The following GJC1 variants were observed in gnomAD, a reference collection of about 807,000 sequenced individuals.
GJC1 encodes the protein gap junction protein gamma 1, also known as gap junction gamma-1 protein.
In GJC1, 5 loss-of-function variants were observed where a neutral mutation model predicts 29.3. That is an observed-to-expected ratio of 0.17 (90% CI 0.09 to 0.36). The LOEUF is 0.36. Among genes scored for constraint, GJC1 ranks in the 10% least tolerant of loss-of-function variants. The pLI is 1.00. For missense variants in GJC1, 310 were observed against 496.2 expected (o/e 0.62, Z 3.56); for synonymous variants, 177 against 183.3 (o/e 0.97, Z 0.28).
intron 1 of GJC1, among the ~76,000 whole-genome samples, chr17:44,809,878 CCAGA>C (rs1279458686): frequency 8.9e-6 from 1 of 112,604 alleles, no homozygotes; most frequent in African/African-American, 3.3e-5. Context: ...TTTTTTTTTT[CCAGA>C]CAGTCTCGCT....
chr17:44,813,816 A>G (rs774329925), intron 1 of GJC1, among the ~76,000 whole-genome samples: 3 of 151,886 alleles, frequency 2.0e-5, no homozygotes, highest in Non-Finnish European at 4.4e-5. Flanking sequence ...TCTTACTCTC[A>G]GTGAAATGTC....
intron 1 of GJC1, among the ~76,000 whole-genome samples, chr17:44,811,817 A>G (rs1347481985): frequency 1.3e-5 from 2 of 151,862 alleles, no homozygotes; most frequent in Admixed American, 6.6e-5. Flanking sequence ...TGGCCTAGCT[A>G]ACATGGTGAA....
intron 1 of GJC1, among the ~76,000 whole-genome samples, chr17:44,826,648 C>T (rs897846924): frequency 8.5e-5 from 13 of 152,106 alleles, no homozygotes; most frequent in Non-Finnish European, 1.6e-4. Flanking sequence ...TTGCCAAGGA[C>T]TGCTCTCAGC....
intron 1 of GJC1, among the ~76,000 whole-genome samples, chr17:44,808,172 T>C (rs1254440527): frequency 6.6e-6 from 1 of 152,022 alleles, no homozygotes; most frequent in Middle Eastern, 3.2e-3. Flanking sequence ...CTGAATGTTA[T>C]GTGTTTATAG....
chr17:44,811,464 T>C (rs1379956769), intron 1 of GJC1, among the ~76,000 whole-genome samples: 2 of 151,004 alleles, frequency 1.3e-5, no homozygotes, highest in Non-Finnish European at 3.0e-5. Context: ...GGGCTCACTG[T>C]AGCCTCAGCC....
chr17:44,822,071 C>A (rs565555894), intron 1 of GJC1, among the ~76,000 whole-genome samples: 3 of 151,464 alleles, frequency 2.0e-5, no homozygotes. Context: ...GTGGCGGGCG[C>A]CTGTAGTCCC....
chr17:44,816,224 G>C (rs2050042605), intron 1 of GJC1, among the ~76,000 whole-genome samples: 1 of 143,850 alleles, frequency 7.0e-6, no homozygotes, highest in Non-Finnish European at 1.5e-5. Flanking sequence ...CTCACACAAA[G>C]AAAACCCAAA....
chr17:44,798,358 A>AT (rs770472081), downstream of GJC1: 1 of 152,184 alleles, frequency 6.6e-6, no homozygotes, highest in Non-Finnish European at 1.5e-5. Flanking sequence ...ATTATCTTAT[A>AT]TAAATAGGGT....
rs924177637 is a variant in GJC1, at chr17:44,803,928, C to T, written c.*699G>A. 5.3e-5 allele frequency: 8 copies of T among 152,204 alleles called. No homozygotes were observed. Among genetic ancestry groups the T allele is most frequent in the African/African-American group, 1.7e-4 (7 of 41,436 alleles). 9.4% of individuals were successfully genotyped at this position (152,204 alleles called of 1,614,324 possible). A position where few individuals can be genotyped will look rare whatever the true frequency, so the allele number is the denominator to read the frequency against. The stretch of plus-strand genomic sequence containing the variant: ...ATGCTTGATATTTAAAGGAATCCTA[C>T]AGTGAATCATTTATTTCCTTTGAAA... On this transcript the variant is annotated 3_prime_UTR_variant, in exon 3 of 3. Coordinates refer to ENST00000592524, the MANE Select transcript of GJC1 (RefSeq NM_005497.4).
At chr17:44,810,269 T>C (rs939811119) in intron 1 of GJC1, among the ~76,000 whole-genome samples, 3 of 152,202 alleles carry the variant, frequency 2.0e-5, no homozygotes, top group Non-Finnish European at 4.4e-5. Flanking sequence ...AGTGCTGGGA[T>C]TACAGGCATG....
intron 2 of GJC1, among the ~76,000 whole-genome samples, chr17:44,807,025 A>G (rs78174652): frequency 0.012 from 1,873 of 152,334 alleles, 39 homozygotes; most frequent in African/African-American, 0.042. Context: ...TTAGAAGCCC[A>G]GTAAATGGTC....
intron 1 of GJC1, among the ~76,000 whole-genome samples, chr17:44,822,140 T>G (rs1277224596): frequency 7.8e-6 from 1 of 127,468 alleles, no homozygotes; most frequent in African/African-American, 3.1e-5. Context: ...GAGCTTGCAG[T>G]GAGCCAAGAT....
intron 1 of GJC1, among the ~76,000 whole-genome samples, chr17:44,817,418 G>C (rs2050055857): frequency 6.6e-6 from 1 of 151,212 alleles, no homozygotes; most frequent in African/African-American, 2.4e-5. Flanking sequence ...AACTGCAAAA[G>C]AAAAGCACAA....
intron 1 of GJC1, among the ~76,000 whole-genome samples, chr17:44,822,196 C>CAAAAAAAA (rs59152296): frequency 2.1e-5 from 1 of 47,558 alleles, no homozygotes; most frequent in Non-Finnish European, 4.1e-5. Context: ...GACTCCGTCT[C>CAAAAAAAA]AAAAAAAAAA....
upstream of GJC1, chr17:44,830,822 C>G (rs561990472): frequency 2.5e-6 from 1 of 397,484 alleles, no homozygotes; most frequent in Admixed American, 4.4e-5. This position sits in a 1 kb window ranked among gnomAD's most constrained non-coding sequence, Gnocchi z 4.3. Context: ...GCTCTAGATA[C>G]TTTTCAGGTC....
intron 1 of GJC1, among the ~76,000 whole-genome samples, chr17:44,826,640 G>T (rs1394103715): frequency 1.3e-5 from 2 of 151,876 alleles, no homozygotes; most frequent in Non-Finnish European, 2.9e-5. Context: ...AACCTTTATT[G>T]CCAAGGACTG....
chr17:44,809,622 G>A (rs1439526012), intron 1 of GJC1, among the ~76,000 whole-genome samples: 2 of 150,794 alleles, frequency 1.3e-5, no homozygotes, highest in Non-Finnish European at 2.9e-5. Context: ...CCAGGCTGGA[G>A]TGCAATGGCG....
downstream of GJC1, among the ~76,000 whole-genome samples, chr17:44,795,998 G>C (rs749607488): frequency 6.6e-6 from 1 of 152,212 alleles, no homozygotes; most frequent in Non-Finnish European, 1.5e-5. Context: ...GCCGCTTGGC[G>C]GCCCGGGCTC....
chr17:44,817,639 G>A (rs1404149980), intron 1 of GJC1, among the ~76,000 whole-genome samples: 1 of 152,070 alleles, frequency 6.6e-6, no homozygotes, highest in African/African-American at 2.4e-5. Flanking sequence ...GAACTCAGGA[G>A]GGGGAGGTTG....
Sources: gnomAD v4.1 joint callset for allele counts (sites outside exome capture counted in the v4.1 genomes callset) on GRCh38, gnomAD v4.1.1 for gene constraint, Gnocchi (gnomAD v3.1) non-coding constraint, MANE v1.5 for transcripts, NCBI Gene and HGNC (gene_info 2026-07-23, HGNC 2026-07-21) for gene names.